Variants in ZNG1B observed in about 807,000 individuals in gnomAD.
The protein encoded by ZNG1B is zinc-regulated GTPase metalloprotein activator 1B.
chr2:113,453,767 C>T, the ZNG1B span, among the ~76,000 whole-genome samples: 3 of 139,558 alleles, frequency 2.1e-5, no homozygotes, highest in Non-Finnish European at 4.5e-5. Flanking sequence ...AAAAAAAATG[C>T]TTTGTAGGTT....
the ZNG1B span, among the ~76,000 whole-genome samples, chr2:113,490,422 G>A: frequency 3.4e-5 from 5 of 148,204 alleles, no homozygotes; most frequent in African/African-American, 1.0e-4. Context: ...CACAATCTAC[G>A]GTCACATCTC....
At chr2:113,485,501 C>CT in the ZNG1B span, among the ~76,000 whole-genome samples, 2 of 145,136 alleles carry the variant, frequency 1.4e-5, no homozygotes, top group Non-Finnish European at 3.0e-5. Flanking sequence ...CACCAGTAGA[C>CT]TTGCCTGAAT....
chr2:113,468,718 C>G, the ZNG1B span: 1 of 150,420 alleles, frequency 6.6e-6, no homozygotes, highest in Admixed American at 6.6e-5. Flanking sequence ...GTTTTCTAGT[C>G]GTATGCCTTG....
chr2:113,439,874 ATTTTT>A, the ZNG1B span, among the ~76,000 whole-genome samples: 8 of 68,880 alleles, frequency 1.2e-4, no homozygotes, highest in South Asian at 5.8e-4. Context: ...CCTTCCCTTA[ATTTTT>A]TTTTTTTTTT....
the ZNG1B span, among the ~76,000 whole-genome samples, chr2:113,445,698 T>C: frequency 6.7e-6 from 1 of 149,188 alleles, no homozygotes; most frequent in African/African-American, 2.5e-5. Context: ...TAAAGTCTGC[T>C]TATTTTCCCC....
the ZNG1B span, chr2:113,444,175 T>C: frequency 4.0e-4 from 192 of 480,544 alleles, 2 homozygotes; most frequent in South Asian, 4.5e-3. Context: ...TCATTGGTCA[T>C]ATTTCTAAGT....
the ZNG1B span, among the ~76,000 whole-genome samples, chr2:113,439,400 T>C: frequency 7.9e-5 from 12 of 152,046 alleles, no homozygotes; most frequent in Admixed American, 6.5e-4. Context: ...ACTTAACATG[T>C]CTGAAACTTC....
the ZNG1B span, among the ~76,000 whole-genome samples, chr2:113,493,198 G>C: frequency 1.5e-5 from 2 of 133,624 alleles, 1 homozygote; most frequent in Admixed American, 1.6e-4. Flanking sequence ...TTCAGTTAAA[G>C]ATAAGCCAAG....
the ZNG1B span, among the ~76,000 whole-genome samples, chr2:113,451,711 A>T: frequency 6.6e-6 from 1 of 151,938 alleles, no homozygotes. Context: ...TTTTAAATAG[A>T]TCTTTCTCAT....
the ZNG1B span, chr2:113,481,385 C>A: frequency 6.6e-6 from 1 of 151,330 alleles, no homozygotes; most frequent in South Asian, 2.1e-4. Flanking sequence ...GACATTCTCC[C>A]TACTAGGACC....
chr2:113,464,099 CAA>C, the ZNG1B span, among the ~76,000 whole-genome samples: 1 of 131,204 alleles, frequency 7.6e-6, no homozygotes, highest in Non-Finnish European at 1.6e-5. Context: ...CTGACACTGA[CAA>C]TATTGACTAT....
chr2:113,438,599 CTA>C, the ZNG1B span, among the ~76,000 whole-genome samples: 2 of 151,904 alleles, frequency 1.3e-5, no homozygotes, highest in East Asian at 3.9e-4. Context: ...TCCTCCAAGA[CTA>C]TTTCTCAAAC....
chr2:113,478,643 A>AG, the ZNG1B span, among the ~76,000 whole-genome samples: 10 of 133,854 alleles, frequency 7.5e-5, no homozygotes, highest in Non-Finnish European at 1.4e-4. Flanking sequence ...ACTTTCAACT[A>AG]GTTTTTTTTT....
At chr2:113,437,997 A>G in the ZNG1B span, 1 of 1,612,000 alleles carries the variant, frequency 6.2e-7, no homozygotes, top group East Asian at 2.2e-5. Flanking sequence ...CCAAGATCCC[A>G]GTCACAATTA....
the ZNG1B span, among the ~76,000 whole-genome samples, chr2:113,472,668 T>C: frequency 1.3e-5 from 2 of 151,974 alleles, no homozygotes; most frequent in African/African-American, 2.4e-5. Flanking sequence ...TTGTATAAGG[T>C]GTAAGGAAGG....
At chr2:113,472,647 T>C in the ZNG1B span, among the ~76,000 whole-genome samples, 1 of 152,100 alleles carries the variant, frequency 6.6e-6, no homozygotes, top group African/African-American at 2.4e-5. Flanking sequence ...TAATCCATGT[T>C]GAATTGATTT....
the ZNG1B span, among the ~76,000 whole-genome samples, chr2:113,453,988 G>A: frequency 4.6e-5 from 7 of 152,034 alleles, no homozygotes; most frequent in South Asian, 2.1e-4. Flanking sequence ...TTAGTTAAGC[G>A]ACTATGTTTT....
At chr2:113,439,089 C>T in the ZNG1B span, 2 of 1,540,930 alleles carry the variant, frequency 1.3e-6, no homozygotes, top group South Asian at 2.4e-5. Context: ...TCAAACGTGC[C>T]GCTCGGGCCT....
the ZNG1B span, chr2:113,457,164 T>C: frequency 6.6e-6 from 3 of 454,526 alleles, no homozygotes; most frequent in Non-Finnish European, 1.3e-5. Context: ...TGTGACAGCA[T>C]TTAATGCAAT....
Sources: gnomAD v4.1 joint callset for allele counts (sites outside exome capture counted in the v4.1 genomes callset) on GRCh38, gnomAD v4.1.1 for gene constraint, MANE v1.5 for transcripts, NCBI Gene and HGNC (gene_info 2026-07-23, HGNC 2026-07-21) for gene names.